The following CCDC85A variants were observed in gnomAD, a reference collection of about 807,000 sequenced individuals.
CCDC85A encodes coiled-coil domain-containing protein 85A.
In CCDC85A, 38 loss-of-function variants were observed where a neutral mutation model predicts 50.2. The ratio of observed to expected loss-of-function variants is 0.76; its 90% CI spans 0.58 to 0.99. The LOEUF is 0.99. Ranked by LOEUF, CCDC85A falls within the 50% of genes least tolerant of loss-of-function variation. CCDC85A has a pLI of 0.00. For missense variants in CCDC85A, 820 were observed against 742.0 expected (o/e 1.11, Z -1.22); for synonymous variants, 366 against 301.4 (o/e 1.21, Z -2.22).
At chr2:56,261,604 G>A (rs908146312) in intron 2 of CCDC85A, among the ~76,000 whole-genome samples, 10 of 152,290 alleles carry the variant, frequency 6.6e-5, no homozygotes, top group Non-Finnish European at 1.3e-4. Context: ...GTGTTGGATG[G>A]TAACATACGC....
rs150813759 is a variant in CCDC85A at position 56,323,980 on chromosome 2, T to C, written c.1241-18899T>C. Among the ~76,000 whole-genome samples the C allele has an allele frequency of 2.1e-3, 318 of 152,270 alleles. 1 individual carries two copies. Among genetic ancestry groups the C allele is most frequent in the African/African-American group, 7.0e-3 (290 of 41,574 alleles). ...TAAAATGGTCGTTTATGGAAAGATATATACGTTTATAAATTGTAGGAGGTG... is the reference window on the plus strand; with the variant it reads ...TAAAATGGTCGTTTATGGAAAGATACATACGTTTATAAATTGTAGGAGGTG... On this transcript the variant is annotated intron_variant, in intron 2 of 5. Transcript: ENST00000407595.
In CCDC85A at chr2:56,367,523, A is replaced by G. The variant is rs1022423743; in HGVS notation, c.1318-4821A>G. Among the ~76,000 whole-genome samples the G allele has an allele frequency of 2.6e-5, 4 of 152,290 alleles. No homozygotes were observed. The East Asian group carries it at 5.8e-4, about 22-fold the overall frequency. On this transcript the variant is annotated intron_variant, in intron 3 of 5. Coordinates refer to ENST00000407595, the MANE Select transcript of CCDC85A (RefSeq NM_001080433.2). ...AAATCAGGGTTTCTCAACTTCAGCTATAGCGACATTTTGGGCTAGATAATC... is the reference window on the plus strand; with the variant it reads ...AAATCAGGGTTTCTCAACTTCAGCTGTAGCGACATTTTGGGCTAGATAATC...
chr2:56,244,344 A>G (rs950868958), intron 2 of CCDC85A, among the ~76,000 whole-genome samples: 8 of 151,958 alleles, frequency 5.3e-5, no homozygotes, highest in African/African-American at 1.9e-4. Flanking sequence ...TATGCCTACC[A>G]CCACTGCAGG....
intron 3 of CCDC85A, among the ~76,000 whole-genome samples, chr2:56,351,392 G>GGGTCAAATGT (rs1674930688): frequency 6.8e-6 from 1 of 147,708 alleles, no homozygotes; most frequent in African/African-American, 2.5e-5. Context: ...GGGTCAAATG[G>GGGTCAAATGT]TATTTCCAGT....
intron 2 of CCDC85A, among the ~76,000 whole-genome samples, chr2:56,317,938 A>G (rs1268290376): frequency 6.6e-6 from 1 of 152,082 alleles, no homozygotes; most frequent in Non-Finnish European, 1.5e-5. Flanking sequence ...AATCCAATCC[A>G]TCTTCTTTAT....
chr2:56,228,707 GTGT>G (rs1558595146), intron 2 of CCDC85A, among the ~76,000 whole-genome samples: 1 of 151,786 alleles, frequency 6.6e-6, no homozygotes, highest in Non-Finnish European at 1.5e-5. Flanking sequence ...TAATTTTTTT[GTGT>G]TTTTAGTAGA....
intron 3 of CCDC85A, among the ~76,000 whole-genome samples, chr2:56,366,297 G>A (rs1328646631): frequency 6.6e-6 from 1 of 152,106 alleles, no homozygotes; most frequent in Non-Finnish European, 1.5e-5. Context: ...TGAATCATAT[G>A]TAGTCCTACT....
At chr2:56,308,786 C>T (rs9808260) in intron 2 of CCDC85A, among the ~76,000 whole-genome samples, 54,589 of 152,062 alleles carry the variant, frequency 0.36, 11,551 homozygotes, top group African/African-American at 0.58. Context: ...TTCTCATTGA[C>T]CGCTGCGCTG....
intron 5 of CCDC85A, among the ~76,000 whole-genome samples, chr2:56,376,772 A>G (rs1288843434): frequency 2.0e-5 from 3 of 152,228 alleles, no homozygotes; most frequent in Admixed American, 6.5e-5. Flanking sequence ...AAATCTATCT[A>G]TAATTTCTAA....
At chr2:56,245,811 G>T (rs1669480847) in intron 2 of CCDC85A, among the ~76,000 whole-genome samples, 1 of 152,146 alleles carries the variant, frequency 6.6e-6, no homozygotes, top group East Asian at 1.9e-4. Context: ...TAGCATTTGG[G>T]CAGCTTGCCC....
At chr2:56,348,235 A>G (rs73940681) in intron 3 of CCDC85A, among the ~76,000 whole-genome samples, 2,966 of 152,252 alleles carry the variant, frequency 0.019, 93 homozygotes, top group African/African-American at 0.066. Flanking sequence ...GGAAAGCAGT[A>G]TATATTCGTT....
chr2:56,240,820 C>A (rs1461565382), intron 2 of CCDC85A, among the ~76,000 whole-genome samples: 1 of 151,862 alleles, frequency 6.6e-6, no homozygotes, highest in Non-Finnish European at 1.5e-5. Context: ...TTTTCTTTTG[C>A]TATTATGAGT....
chr2:56,331,956 G>C (rs1312158818), intron 2 of CCDC85A, among the ~76,000 whole-genome samples: 1 of 152,154 alleles, frequency 6.6e-6, no homozygotes, highest in Non-Finnish European at 1.5e-5. Context: ...CGCCCCCCAG[G>C]CTGCTCTCTG....
At chr2:56,197,294 T>A (rs890043396) in intron 2 of CCDC85A, among the ~76,000 whole-genome samples, 1 of 151,924 alleles carries the variant, frequency 6.6e-6, no homozygotes, top group Non-Finnish European at 1.5e-5. Flanking sequence ...TTCAGTAGCA[T>A]CCCTGGGCTT....
intron 2 of CCDC85A, among the ~76,000 whole-genome samples, chr2:56,253,025 A>AATAG (rs1187651676): frequency 6.6e-6 from 1 of 151,874 alleles, no homozygotes; most frequent in Non-Finnish European, 1.5e-5. Context: ...TCTCAAAATA[A>AATAG]ATAAATAAAT....
chr2:56,284,676 A>G (rs900165985), intron 2 of CCDC85A, among the ~76,000 whole-genome samples: 2 of 151,880 alleles, frequency 1.3e-5, no homozygotes, highest in Non-Finnish European at 2.9e-5. Flanking sequence ...CCCAGCCCAA[A>G]TCTTCTAAAT....
At chr2:56,312,477 T>C (rs1170705746) in intron 2 of CCDC85A, among the ~76,000 whole-genome samples, 1 of 152,202 alleles carries the variant, frequency 6.6e-6, no homozygotes, top group Non-Finnish European at 1.5e-5. Flanking sequence ...GGGCCCTTTG[T>C]ATAATCAGTA....
At chr2:56,341,372 C>T (rs891829022) in intron 2 of CCDC85A, among the ~76,000 whole-genome samples, 1 of 151,980 alleles carries the variant, frequency 6.6e-6, no homozygotes, top group African/African-American at 2.4e-5. Flanking sequence ...CTGACTATCC[C>T]GTGATGGTTG....
chr2:56,233,699 C>T (rs112682065), intron 2 of CCDC85A, among the ~76,000 whole-genome samples: 6 of 152,184 alleles, frequency 3.9e-5, no homozygotes, highest in East Asian at 1.9e-4. Context: ...TGGTGACTCC[C>T]GCTTTAAAAG....
Sources: allele counts gnomAD v4.1 joint callset (sites outside exome capture counted in the v4.1 genomes callset), GRCh38; gene constraint gnomAD v4.1.1; transcripts MANE v1.5; gene names NCBI Gene and HGNC (gene_info 2026-07-23, HGNC 2026-07-21).